DROSHA: variants seen among roughly 807,000 people sequenced by gnomAD.
DROSHA encodes ribonuclease 3.
DROSHA carries 56 observed loss-of-function variants against 181.9 expected under a neutral mutation model. The ratio of observed to expected loss-of-function variants is 0.31; its 90% CI spans 0.25 to 0.38. The LOEUF (loss-of-function observed/expected upper bound fraction) is 0.38. DROSHA is among the 10% of genes least tolerant of loss of function. DROSHA has a pLI of 1.00. For synonymous variants in DROSHA, 524 were observed against 591.2 expected, an observed-to-expected ratio of 0.89 and a Z score of 1.65; for missense variants, 1,218 against 1,743.5, an observed-to-expected ratio of 0.70 and a Z score of 5.37.
At chr5:31,525,273 T>C (rs1256924960) in intron 5 of DROSHA, among the ~76,000 whole-genome samples, 2 of 136,884 alleles carry the variant, frequency 1.5e-5, no homozygotes, top group Non-Finnish European at 3.0e-5. Flanking sequence ...GAGGTTGTAG[T>C]GAGCCGAGAC....
intron 20 of DROSHA, among the ~76,000 whole-genome samples, chr5:31,459,317 C>T (rs1580168172): frequency 1.3e-5 from 2 of 150,854 alleles, no homozygotes; most frequent in Middle Eastern, 6.8e-3. Flanking sequence ...TGCTTAAGCC[C>T]AGGAGTCCAA....
At chr5:31,421,534 G>A (rs896300242) in intron 29 of DROSHA, among the ~76,000 whole-genome samples, 157 bp from the exon 30 acceptor site, 2 of 152,088 alleles carry the variant, frequency 1.3e-5, no homozygotes, top group Non-Finnish European at 2.9e-5. Context: ...CCCCTCGATT[G>A]AGAAGAGATC....
At chr5:31,481,601 C>A (rs540246173) in intron 16 of DROSHA, among the ~76,000 whole-genome samples, 107 of 152,210 alleles carry the variant, frequency 7.0e-4, no homozygotes, top group African/African-American at 2.4e-3. Context: ...TAAAACAAAA[C>A]CAGATATAAA....
intron 25 of DROSHA, among the ~76,000 whole-genome samples, chr5:31,435,504 T>C (rs561373887): frequency 6.6e-6 from 1 of 152,004 alleles, no homozygotes; most frequent in African/African-American, 2.4e-5. Flanking sequence ...TTAACTCTGT[T>C]CATGCACATC....
rs372814914 is a variant in DROSHA, at chr5:31,410,759, C to T, written c.3654G>A (p.Ala1218=). ...TGTGGCACTCACATTCCAAAAGGTCCGCCAAGGTCTTGGTGCGAAGCGCCA... is the reference window on the plus strand; with the variant it reads ...TGTGGCACTCACATTCCAAAAGGTCTGCCAAGGTCTTGGTGCGAAGCGCCA... ...RPVALRTKTL[A]DLLESFIAAL... is the part of the protein sequence containing the mutation. The change falls in exon 31 of 36, where the codon GCG becomes GCA. Residue 1218 remains alanine, a synonymous_variant. Coordinates refer to ENST00000344624, the MANE Select transcript of DROSHA (RefSeq NM_001382508.1). 35 of 1,613,168 alleles carry T rather than the reference C, an allele frequency of 2.2e-5. No individual in the cohort carries two copies. The Admixed American group carries it at 2.2e-4, about 10-fold the overall frequency.
chr5:31,418,492 C>T (rs371253784), intron 30 of DROSHA, among the ~76,000 whole-genome samples: 12 of 152,232 alleles, frequency 7.9e-5, no homozygotes, highest in African/African-American at 2.9e-4. Context: ...TGGTCTTAAA[C>T]TCCTGGGCTC....
intron 16 of DROSHA, among the ~76,000 whole-genome samples, chr5:31,474,570 C>T (rs192007317): frequency 3.4e-4 from 52 of 152,116 alleles, no homozygotes; most frequent in African/African-American, 1.3e-3. Context: ...AATTATGTTG[C>T]CCAGGCTGTT....
intron 20 of DROSHA, among the ~76,000 whole-genome samples, chr5:31,456,321 A>G (rs1330503083): frequency 6.6e-6 from 1 of 152,222 alleles, no homozygotes; most frequent in African/African-American, 2.4e-5. Context: ...GGAGAATAAG[A>G]AATACATAAA....
At chr5:31,444,611 C>G (rs1746029104) in intron 23 of DROSHA, among the ~76,000 whole-genome samples, 1 of 152,150 alleles carries the variant, frequency 6.6e-6, no homozygotes, top group African/African-American at 2.4e-5. Context: ...AGATTTTCAT[C>G]ATTGAAAAGT....
At chr5:31,480,295 A>G (rs1750895680) in intron 16 of DROSHA, among the ~76,000 whole-genome samples, 2 of 150,902 alleles carry the variant, frequency 1.3e-5, no homozygotes, top group South Asian at 2.1e-4. Context: ...GAATGAGCCA[A>G]CTACAGTTAA....
chr5:31,418,317 G>A (rs996067419), intron 30 of DROSHA, among the ~76,000 whole-genome samples: 3 of 151,958 alleles, frequency 2.0e-5, no homozygotes, highest in Non-Finnish European at 4.4e-5. Flanking sequence ...GGAGAGTCTT[G>A]CTCTGTTGCC....
Position 31,486,424 on chromosome 5 carries a change from TAAAA to T in DROSHA, c.1914+63_1914+66del. 3.3e-6 allele frequency: 5 copies of T among 1,528,640 alleles called. No homozygotes were observed. The Middle Eastern group carries it at 5.2e-4, about 159-fold the overall frequency. 94.7% of individuals were successfully genotyped at this position (1,528,640 alleles called of 1,614,324 possible). On this transcript the variant is annotated intron_variant, in intron 14 of 35. Coordinates refer to ENST00000344624, the MANE Select transcript of DROSHA (RefSeq NM_001382508.1). ...CCAGATCTGGCCAAGTTCAATGCTT[TAAAA>T]TAGTAGTATGGAACAAGCAAAAGAG...
At chr5:31,417,343 C>T (rs1412332228) in intron 30 of DROSHA, among the ~76,000 whole-genome samples, 1 of 152,192 alleles carries the variant, frequency 6.6e-6, no homozygotes, top group Non-Finnish European at 1.5e-5. Flanking sequence ...TATAAGGTGA[C>T]TGTAACAACA....
chr5:31,406,815 G>A (rs764390090), intron 34 of DROSHA, 38 bp downstream of exon 34: 2 of 1,577,938 alleles, frequency 1.3e-6, no homozygotes, highest in African/African-American at 1.3e-5. Context: ...CACACAGGAT[G>A]TTCATTCAAA....
intron 25 of DROSHA, among the ~76,000 whole-genome samples, chr5:31,432,082 G>A (rs761722499): frequency 4.6e-5 from 7 of 150,888 alleles, no homozygotes; most frequent in African/African-American, 7.3e-5. Flanking sequence ...TCAATTTTAC[G>A]TCTTTGACTC....
chr5:31,427,689 G>A (rs1383488684), intron 27 of DROSHA, among the ~76,000 whole-genome samples: 1 of 152,138 alleles, frequency 6.6e-6, no homozygotes, highest in Non-Finnish European at 1.5e-5. Flanking sequence ...GCCTCACAAA[G>A]GATGTCTCTC....
chr5:31,465,461 T>C (rs917258387), intron 19 of DROSHA, among the ~76,000 whole-genome samples: 1 of 152,194 alleles, frequency 6.6e-6, no homozygotes, highest in Admixed American at 6.5e-5. Context: ...TGTTGTATAA[T>C]GTGCAACCAA....
rs752035593 is a variant in DROSHA, at chr5:31,401,373, C to T, written c.*59G>A. 6 of 1,594,224 alleles carry T rather than the reference C, an allele frequency of 3.8e-6. No homozygotes were observed. The highest frequency in any genetic ancestry group is 5.1e-6 in the Non-Finnish European group (6 of 1,167,250). ...TCTGCAGGAAAACTAGGCTAGGTCT[C>T]AATAGACAACAGTCACAGTTACTGA... On this transcript the variant is annotated 3_prime_UTR_variant, in exon 36 of 36. Transcript: ENST00000344624.
intron 20 of DROSHA, among the ~76,000 whole-genome samples, chr5:31,459,414 TAAAAA>T (rs4050153): frequency 6.1e-5 from 8 of 130,228 alleles, no homozygotes; most frequent in African/African-American, 1.4e-4. Context: ...TCCCATGTCT[TAAAAA>T]AAAAAAAAAA....
Sources: allele counts gnomAD v4.1 joint callset (sites outside exome capture counted in the v4.1 genomes callset), GRCh38; gene constraint gnomAD v4.1.1; transcripts MANE v1.5; gene names NCBI Gene and HGNC (gene_info 2026-07-23, HGNC 2026-07-21).